The following ERCC8 variants were observed in gnomAD, a reference collection of about 807,000 sequenced individuals.
The protein encoded by ERCC8 is ERCC excision repair 8, CSA ubiquitin ligase complex subunit, also known as DNA excision repair protein ERCC-8.
Under a neutral mutation model 54.9 loss-of-function variants are expected in ERCC8, and 52 were observed. The ratio of observed to expected loss-of-function variants is 0.95; its 90% CI spans 0.76 to 1.19. The LOEUF (loss-of-function observed/expected upper bound fraction) is 1.19. Ranked by LOEUF, ERCC8 falls within the 50% of genes most tolerant of loss-of-function variation. The pLI, the probability that ERCC8 is intolerant of heterozygous loss-of-function variation, is 0.00. For synonymous variants in ERCC8, 146 were observed against 157.2 expected (o/e 0.93, Z 0.53); for missense variants, 514 against 466.1 (o/e 1.10, Z -0.95).
chr5:60,885,090 G>A (rs1212535177), intron 11 of ERCC8, among the ~76,000 whole-genome samples: 1 of 151,630 alleles, frequency 6.6e-6, no homozygotes, highest in East Asian at 1.9e-4. Context: ...GTGGCTCACT[G>A]TAGCCTTGAA....
At chr5:60,911,926 C>T (rs970985592) in intron 4 of ERCC8, among the ~76,000 whole-genome samples, 14 of 152,088 alleles carry the variant, frequency 9.2e-5, no homozygotes, top group African/African-American at 2.9e-4. Flanking sequence ...ATTTCTGAGG[C>T]CTCTGTTCTG....
intron 1 of ERCC8, among the ~76,000 whole-genome samples, chr5:60,941,589 C>G (rs1221616940): frequency 3.9e-5 from 6 of 152,138 alleles, no homozygotes; most frequent in African/African-American, 1.4e-4. Context: ...TGAACCCTAA[C>G]TAGGATAAAT....
chr5:60,933,132 TTTTTG>T (rs1263698270), intron 1 of ERCC8, among the ~76,000 whole-genome samples: 2 of 152,128 alleles, frequency 1.3e-5, no homozygotes, highest in African/African-American at 2.4e-5. Context: ...TTACCTTTTA[TTTTTG>T]TTTTAATGTT....
chr5:60,926,790 C>A (rs968229089), intron 2 of ERCC8, among the ~76,000 whole-genome samples: 1 of 152,112 alleles, frequency 6.6e-6, no homozygotes, highest in African/African-American at 2.4e-5. Context: ...GCTTTTCTTG[C>A]CATACAGATG....
chr5:60,915,795 C>T (rs189387620), intron 4 of ERCC8, among the ~76,000 whole-genome samples: 2 of 151,948 alleles, frequency 1.3e-5, no homozygotes, highest in Non-Finnish European at 2.9e-5. Context: ...ACATTGGGCC[C>T]ACTAGGATAA....
At chr5:60,899,179 C>T (rs1375374736) in intron 8 of ERCC8, among the ~76,000 whole-genome samples, 2 of 151,886 alleles carry the variant, frequency 1.3e-5, no homozygotes, top group Non-Finnish European at 2.9e-5. Context: ...AATTTCTACA[C>T]AGGAATTAAA....
At chr5:60,919,109 CA>C (rs1419954205) in intron 3 of ERCC8, among the ~76,000 whole-genome samples, 3 of 152,094 alleles carry the variant, frequency 2.0e-5, no homozygotes, top group African/African-American at 7.2e-5. Flanking sequence ...AATTTGAACA[CA>C]GACTGGATAT....
intron 11 of ERCC8, among the ~76,000 whole-genome samples, chr5:60,876,328 C>T (rs183891069): frequency 6.3e-4 from 96 of 152,238 alleles, no homozygotes; most frequent in Middle Eastern, 3.4e-3. Context: ...TGAATAGTGC[C>T]GCAATAAACA....
intron 3 of ERCC8, among the ~76,000 whole-genome samples, chr5:60,919,897 T>TGCTGGACA (rs1749553468): frequency 6.6e-6 from 1 of 152,156 alleles, no homozygotes; most frequent in African/African-American, 2.4e-5. Context: ...TGTATACGCA[T>TGCTGGACA]GCTGGACAGC....
intron 1 of ERCC8, among the ~76,000 whole-genome samples, chr5:60,931,491 C>T (rs1005644266): frequency 6.6e-6 from 1 of 151,852 alleles, no homozygotes; most frequent in Non-Finnish European, 1.5e-5. Context: ...TATTTTTTTG[C>T]AGAGATGAAG....
chr5:60,933,306 A>G (rs1171620824), intron 1 of ERCC8, among the ~76,000 whole-genome samples: 2 of 141,626 alleles, frequency 1.4e-5, no homozygotes, highest in Non-Finnish European at 3.0e-5. Context: ...GCAACCTCCA[A>G]CTCCCAGGTT....
chr5:60,873,520 C>CA lies in ERCC8; in HGVS notation c.*1094dup, dbSNP rs965313726. Among the ~76,000 whole-genome samples the CA allele has an allele frequency of 6.6e-6, 1 of 151,984 alleles. No homozygotes were observed. The highest frequency in any genetic ancestry group is 2.4e-5 in the African/African-American group (1 of 41,378). On this transcript the variant is annotated 3_prime_UTR_variant, in exon 12 of 12. Coordinates refer to ENST00000676185, the MANE Select transcript of ERCC8 (RefSeq NM_000082.4). ...TGAAACCCCATCTCTACTGAAAATA[C>CA]AAAAAAATTAACCGGGCGCAGTGGC...
intron 1 of ERCC8, among the ~76,000 whole-genome samples, chr5:60,934,836 T>C (rs1284321480): frequency 6.6e-6 from 1 of 152,184 alleles, no homozygotes; most frequent in Non-Finnish European, 1.5e-5. Context: ...TTCCCCACTT[T>C]AGGTTTTTGT....
chr5:60,917,914 AC>A, intron 4 of ERCC8: 1 of 225,354 alleles, frequency 4.4e-6, no homozygotes, highest in Non-Finnish European at 8.9e-6. Flanking sequence ...AGTATTTTTC[AC>A]AAAGGGATAA....
intron 11 of ERCC8, among the ~76,000 whole-genome samples, chr5:60,883,325 ATGT>A (rs954618704): frequency 6.6e-6 from 1 of 152,364 alleles, no homozygotes; most frequent in Admixed American, 6.5e-5. Flanking sequence ...AGCAGTAAAA[ATGT>A]TGTAGATGGA....
chr5:60,922,428 A>G (rs1405788947), intron 2 of ERCC8, among the ~76,000 whole-genome samples: 1 of 152,082 alleles, frequency 6.6e-6, no homozygotes, highest in Non-Finnish European at 1.5e-5. Flanking sequence ...ACAAGACGGC[A>G]AAAGAGATTT....
At chr5:60,903,274 G>A (rs1480847902) in intron 6 of ERCC8, 1 of 175,074 alleles carries the variant, frequency 5.7e-6, no homozygotes, top group Non-Finnish European at 1.2e-5. Context: ...TATTTTTACT[G>A]AGAAAAAATG....
chr5:60,926,207 A>G (rs564728381), intron 2 of ERCC8, among the ~76,000 whole-genome samples: 38 of 152,300 alleles, frequency 2.5e-4, no homozygotes, highest in Admixed American at 2.0e-3. Flanking sequence ...TTTTCATCTG[A>G]TTTTGAACAA....
intron 8 of ERCC8, among the ~76,000 whole-genome samples, 161 bp downstream of exon 8, chr5:60,899,466 T>C (rs1400627096): frequency 6.6e-6 from 1 of 152,024 alleles, no homozygotes; most frequent in African/African-American, 2.4e-5. Context: ...GAATCATAAT[T>C]TAGTTTATGT....
Sources: allele counts gnomAD v4.1 joint callset (sites outside exome capture counted in the v4.1 genomes callset), GRCh38; gene constraint gnomAD v4.1.1; transcripts MANE v1.5; gene names NCBI Gene and HGNC (gene_info 2026-07-23, HGNC 2026-07-21).